The following DGKQ variants were observed in gnomAD, a reference collection of about 807,000 sequenced individuals.
The protein encoded by DGKQ is diacylglycerol kinase theta, also known as DAG kinase theta.
In DGKQ, 97 loss-of-function variants were observed where a neutral mutation model predicts 104.2. The observed-to-expected ratio is 0.93, with a 90% CI of 0.79 to 1.10. DGKQ has a LOEUF of 1.10. DGKQ is among the 50% of genes least tolerant of loss of function. The pLI, the probability that DGKQ is intolerant of heterozygous loss-of-function variation, is 0.00. For missense variants in DGKQ, 1,465 were observed against 1,352.1 expected (o/e 1.08, Z -1.31); for synonymous variants, 736 against 595.2 (o/e 1.24, Z -3.44).
chr4:969,451 G>A (rs567871568), intron 2 of DGKQ, among the ~76,000 whole-genome samples: 9 of 152,342 alleles, frequency 5.9e-5, no homozygotes, highest in African/African-American at 1.9e-4. Flanking sequence ...TTTTCCACGA[G>A]AAGGGAAGGA....
At position 973,287 on chromosome 4, in the gene DGKQ, C is replaced by T. The variant is rs1301134628; in HGVS notation, c.196G>A (p.Val66Met). ...CAGAAGGTGGGCTTGGTGAGCGTCA[C>T]CTTCCGGAAGCTGTGTCCCGGCGCG... Reference protein sequence around the residue: ...AAAPGHSFRKVTLTKPTFCHL... With the variant: ...AAAPGHSFRKMTLTKPTFCHL... The change falls in exon 1 of 23, where the codon GTG (valine) becomes ATG (methionine). Residue 66 changes from valine (V) to methionine (M), a missense_variant. Val to Met is a conservative substitution (Grantham distance 21). Coordinates refer to ENST00000273814, the MANE Select transcript of DGKQ (RefSeq NM_001347.4). 8.5e-6 allele frequency: 13 copies of T among 1,532,264 alleles called. No individual in the cohort carries two copies. The highest frequency in any genetic ancestry group is 1.8e-4 in the Middle Eastern group (1 of 5,708). 94.9% of individuals were successfully genotyped at this position (1,532,264 alleles called of 1,614,324 possible). A position where few individuals can be genotyped will look rare whatever the true frequency, so the allele number is the denominator to read the frequency against.
rs1463527808 is a variant in DGKQ at position 971,417 on chromosome 4, G to T, written c.272-345C>A. On this transcript the variant is annotated intron_variant, in intron 1 of 22. Coordinates refer to ENST00000273814, the MANE Select transcript of DGKQ (RefSeq NM_001347.4). This position sits in a 1 kb window ranked among gnomAD's most constrained non-coding sequence, Gnocchi z 4.0. ...CCTGGGCTCACCAGGTTCGCCAGGT[G>T]GCAGGGGCTTCTCGGCCTTCGGCAG... Among the ~76,000 whole-genome samples the T allele has an allele frequency of 6.6e-6, 1 of 152,232 alleles. No individual in the cohort carries two copies. The highest frequency in any genetic ancestry group is 2.4e-5 in the African/African-American group (1 of 41,458).
rs752762706 is a variant in DGKQ at position 960,637 on chromosome 4, CAG to C, written c.2810_2811del (p.Pro937ArgfsTer5). 5.5e-5 allele frequency: 88 copies of C among 1,611,984 alleles called. No homozygotes were observed. Among genetic ancestry groups the C allele is most frequent in the East Asian group, 1.6e-4 (7 of 44,874 alleles). On this transcript the variant is annotated frameshift_variant, in exon 23 of 23. Coordinates refer to ENST00000273814, the MANE Select transcript of DGKQ (RefSeq NM_001347.4). LOFTEE classifies it high-confidence loss of function. The part of the protein sequence containing the change: ...RDARADAAPA[P>X]ESDPR ...AGCCACCCCTACCTAGGATCGCTCT[CAG>C]GGGCAGGCGCAGCATCCGCCCGGGC...
In DGKQ at chr4:965,566, G is replaced by C. The variant is rs200419203; in HGVS notation, c.1580-37C>G. ...GGCTGTGGTCAGGGCGGTGGGAGGC[G>C]AAGGACACACAGCACTGGGGCCAGG... On this transcript the variant is annotated intron_variant, in intron 13 of 22. Coordinates refer to ENST00000273814, the MANE Select transcript of DGKQ (RefSeq NM_001347.4). 5 of 1,607,154 alleles carry C rather than the reference G, an allele frequency of 3.1e-6. No homozygotes were observed. The South Asian group carries it at 4.5e-5, about 14-fold the overall frequency.
At chr4:967,382 G>C in intron 8 of DGKQ, 21 bp from the exon 9 acceptor site, 4 of 1,516,344 alleles carry the variant, frequency 2.6e-6, no homozygotes, top group Non-Finnish European at 2.7e-6. Context: ...CCAGGTTAGA[G>C]GGGCCAAGTT....
rs902179108 is a variant in DGKQ at position 971,844 on chromosome 4, G to A, written c.272-772C>T. 2.6e-5 allele frequency among the ~76,000 whole-genome samples: 4 copies of A among 152,130 alleles called. No individual in the cohort carries two copies. The highest frequency in any genetic ancestry group is 9.7e-5 in the African/African-American group (4 of 41,418). Reference sequence around the variant, plus strand: ...AGCCCCGGGTGAAGGTTGTGCCACGGAGCCCCAGGCAGTCCAGCTGGGACA... The same window carrying A: ...AGCCCCGGGTGAAGGTTGTGCCACGAAGCCCCAGGCAGTCCAGCTGGGACA... On this transcript the variant is annotated intron_variant, in intron 1 of 22. Coordinates refer to ENST00000273814, the MANE Select transcript of DGKQ (RefSeq NM_001347.4). The surrounding 1 kb of genome is among the most constrained non-coding windows in gnomAD (Gnocchi z 4.0).
rs540679489 is a variant in DGKQ at position 959,434 on chromosome 4, A to T, written c.*1186T>A. 3 of 152,358 alleles carry T rather than the reference A, an allele frequency of 2.0e-5. No individual in the cohort carries two copies. In the South Asian group the frequency reaches 6.2e-4, roughly 32 times the overall value. The allele number at this position is 152,358 out of a possible 1,614,324, so 9.4% of individuals were successfully genotyped here. A position where few individuals can be genotyped will look rare whatever the true frequency, so the allele number is the denominator to read the frequency against. Reference sequence around the variant, plus strand: ...CACAGAGCGGGCTCCATTTTTGGTCAGACTCCTCCCGGGGCCAGTGCACCA... The same window carrying T: ...CACAGAGCGGGCTCCATTTTTGGTCTGACTCCTCCCGGGGCCAGTGCACCA... On this transcript the variant is annotated 3_prime_UTR_variant, in exon 23 of 23. Transcript: ENST00000273814.
At position 967,124 on chromosome 4, in the gene DGKQ, C is replaced by A. The variant is rs1577481499; in HGVS notation, c.1220+5G>T. On this transcript the variant is annotated splice_donor_5th_base_variant and intron_variant, in intron 9 of 22. Coordinates refer to ENST00000273814, the MANE Select transcript of DGKQ (RefSeq NM_001347.4). ...GCAGACCCTGAGCCTCGGGCCCAGT[C>A]TCACTTGAGCCAGCCAGGGTAGATC... The A allele has an allele frequency of 1.3e-6, 2 of 1,576,348 alleles. No homozygotes were observed.
chr4:970,549 T>A (rs1054650822), intron 2 of DGKQ, among the ~76,000 whole-genome samples: 2 of 152,224 alleles, frequency 1.3e-5, no homozygotes, highest in African/African-American at 4.8e-5. Flanking sequence ...TGCTTGTGGG[T>A]TCACACATAG....
chr4:965,084 G>A lies in DGKQ; in HGVS notation c.1734+92C>T. 10 of 940,506 alleles carry A rather than the reference G, an allele frequency of 1.1e-5. No individual in the cohort carries two copies. The South Asian group carries it at 1.1e-4, about 11-fold the overall frequency. 58.3% of individuals were successfully genotyped at this position (940,506 alleles called of 1,614,324 possible). A position where few individuals can be genotyped will look rare whatever the true frequency, so the allele number is the denominator to read the frequency against. On this transcript the variant is annotated intron_variant, in intron 15 of 22. Coordinates refer to ENST00000273814, the MANE Select transcript of DGKQ (RefSeq NM_001347.4). ...AAGTGATGCCAGATGAAAACAGCGA[G>A]TCTGGCTGTGGGGCCTGTGCACCTG...
Position 961,996 on chromosome 4 carries a change from G to A in DGKQ, c.2301C>T (p.Gly767=). The A allele has an allele frequency of 6.2e-7, 1 of 1,613,056 alleles. No individual in the cohort carries two copies. The highest frequency in any genetic ancestry group is 8.5e-7 in the Non-Finnish European group (1 of 1,179,856). ...GGCTCCGGTACCTGCTTGTGAACTT[G>A]CCAGGCTCCTCTTCCCGTGCCTGGT... is the stretch of plus-strand genomic sequence containing the variant. ...DFHQAREEEP[G]KFTSRLHNKG... is the part of the protein sequence containing the mutation. The change falls in exon 19 of 23, where the codon GGC becomes GGT. Residue 767 remains glycine (G), a synonymous_variant. Coordinates refer to ENST00000273814, the MANE Select transcript of DGKQ (RefSeq NM_001347.4).
At chr4:968,053 G>C in intron 5 of DGKQ, 26 bp from the exon 6 acceptor site, 1 of 1,411,482 alleles carries the variant, frequency 7.1e-7, no homozygotes, top group East Asian at 2.7e-5. Flanking sequence ...CCTGAGCTGG[G>C]GGGTTGGAGC....
Position 967,038 on chromosome 4 carries a change from C to T in DGKQ, c.1237G>A (p.Val413Met), listed in dbSNP as rs200194170. ...PGWLKVGVAY[V>M]SVRVTPKSTA... is the part of the protein sequence containing the mutation. Reference sequence around the variant, plus strand: ...CTCTTCGGGGTCACTCGCACGGACACGTAGGCCACGCCCACCCTGTGGGGA... The same window carrying T: ...CTCTTCGGGGTCACTCGCACGGACATGTAGGCCACGCCCACCCTGTGGGGA... The change falls in exon 10 of 23, where the codon GTG becomes ATG. Residue 413 changes from valine (V) to methionine (M), a missense_variant. Val to Met is a conservative substitution (Grantham distance 21). Coordinates refer to ENST00000273814, the MANE Select transcript of DGKQ (RefSeq NM_001347.4). 438 of 1,559,246 alleles carry T rather than the reference C, an allele frequency of 2.8e-4. No homozygotes were observed. The highest frequency in any genetic ancestry group is 3.7e-4 in the Non-Finnish European group (421 of 1,153,030).
Position 962,417 on chromosome 4 carries a change from C to T in DGKQ, c.2214+18G>A, listed in dbSNP as rs375163525. The T allele has an allele frequency of 2.0e-5, 31 of 1,540,288 alleles. No individual in the cohort carries two copies. Among genetic ancestry groups the T allele is most frequent in the Admixed American group, 7.7e-5 (4 of 52,106 alleles). On this transcript the variant is annotated intron_variant, in intron 18 of 22. Transcript: ENST00000273814. ...ATGCAGGAGCCTGGAAGGCACCCCA[C>T]GCCGGGCTGCCCTGTACCTTGGGGG...
Position 967,267 on chromosome 4 carries a change from G to C in DGKQ, c.1082C>G (p.Ala361Gly). ...CACAGCACTCCCAGCCTTGCCCCCA[G>C]CCCAGGCGTCACAGGCCTGAGAGGA... ...PPSSQACDAW[A>G]GGKAGSAVIS... is the part of the protein sequence containing the mutation. The change falls in exon 9 of 23, where the codon GCT becomes GGT. Residue 361 changes from alanine to glycine, a missense_variant. By Grantham distance (60) the Ala-to-Gly change is moderately conservative (BLOSUM62 0). Transcript: ENST00000273814. 6.4e-7 allele frequency: 1 copy of C among 1,554,124 alleles called. No homozygotes were observed. The highest frequency in any genetic ancestry group is 8.7e-7 in the Non-Finnish European group (1 of 1,153,932).
chr4:960,832 T>G, intron 22 of DGKQ, 111 bp from the exon 23 acceptor site: 1 of 1,505,742 alleles, frequency 6.6e-7, no homozygotes, highest in Non-Finnish European at 8.9e-7. Flanking sequence ...CTCAGCCCCA[T>G]TTCACGGAAG....
chr4:962,524 C>G lies in DGKQ; in HGVS notation c.2125G>C (p.Ala709Pro), dbSNP rs754016909. ...SVLLSVDEADAVLMDRWTILL... is the reference protein window; with the variant it reads ...SVLLSVDEADPVLMDRWTILL... ...ATGGTCCAGCGGTCCATGAGCACGG[C>G]GTCGGCCTCGTCCACAGACAGCAGT... The change falls in exon 18 of 23, where the codon GCC becomes CCC. Residue 709 changes from alanine (A) to proline (P), a missense_variant. By Grantham distance (27) the Ala-to-Pro change is conservative (BLOSUM62 -1). Transcript: ENST00000273814. The G allele has an allele frequency of 3.7e-6, 6 of 1,609,880 alleles. No homozygotes were observed. In the African/African-American group the frequency reaches 6.7e-5, roughly 18 times the overall value.
intron 14 of DGKQ, 39 bp from the exon 15 acceptor site, chr4:965,330 A>G (rs1194971596): frequency 8.2e-6 from 13 of 1,587,958 alleles, no homozygotes; most frequent in Non-Finnish European, 1.0e-5. Context: ...AGCCTGTCCC[A>G]TGGCCCCCAC....
chr4:964,487 C>T (rs1262305379), intron 15 of DGKQ, among the ~76,000 whole-genome samples: 3 of 149,382 alleles, frequency 2.0e-5, no homozygotes, highest in Non-Finnish European at 4.5e-5. Flanking sequence ...TGGGCCAGAA[C>T]CCCGTTCCCC....
Sources: allele counts gnomAD v4.1 joint callset (sites outside exome capture counted in the v4.1 genomes callset), GRCh38; gene constraint gnomAD v4.1.1; non-coding constraint Gnocchi (gnomAD v3.1); transcripts MANE v1.5; gene names NCBI Gene and HGNC (gene_info 2026-07-23, HGNC 2026-07-21).